Variants in AK9 observed in about 807,000 individuals in gnomAD.
AK9 encodes adenylate kinase domain containing 1.
In AK9, 191 loss-of-function variants were observed where a neutral mutation model predicts 239.6. The ratio of observed to expected loss-of-function variants is 0.80; its 90% CI spans 0.71 to 0.90. The LOEUF is 0.90. Among genes scored for constraint, AK9 ranks in the 40% least tolerant of loss-of-function variants. The probability of loss-of-function intolerance (pLI) is 0.00; values close to 1 mark genes in which losing one functional copy is unlikely to be tolerated. For synonymous variants in AK9, 689 were observed against 721.0 expected (o/e 0.96, Z 0.71); for missense variants, 1,995 against 2,214.7 (o/e 0.90, Z 1.99).
At chr6:109,673,208 T>A (rs1294265396) in intron 3 of AK9, among the ~76,000 whole-genome samples, 1 of 151,810 alleles carries the variant, frequency 6.6e-6, no homozygotes, top group East Asian at 1.9e-4. Flanking sequence ...TTTAGAGTTG[T>A]GTGTGTGTGT....
At chr6:109,674,411 G>T in intron 2 of AK9, 150 bp from the exon 3 acceptor site, 1 of 517,800 alleles carries the variant, frequency 1.9e-6, no homozygotes, top group East Asian at 3.3e-5. Context: ...CCCTAGATAC[G>T]TATAGTTTAG....
rs143881444 is a variant in AK9 at position 109,540,270 on chromosome 6, C to T, written c.3350+1777G>A. Among the ~76,000 whole-genome samples, 174 of 152,306 alleles carry T rather than the reference C, an allele frequency of 1.1e-3. 1 individual carries two copies. The East Asian group carries it at 0.029, about 25-fold the overall frequency. The stretch of plus-strand genomic sequence containing the variant: ...CTCCACCCAGTTAGAGCTTCCTGGC[C>T]GCTTTGTTTACCTACTGCAGCCTCA... On this transcript the variant is annotated intron_variant, in intron 27 of 40. Coordinates refer to ENST00000424296, the MANE Select transcript of AK9 (RefSeq NM_001145128.3).
intron 17 of AK9, among the ~76,000 whole-genome samples, chr6:109,606,664 G>A (rs1409559589): frequency 6.6e-6 from 1 of 152,196 alleles, no homozygotes; most frequent in Non-Finnish European, 1.5e-5. Context: ...TATAGCCAGT[G>A]TAACAGCTTC....
At chr6:109,547,665 C>T (rs748752504) in intron 25 of AK9, among the ~76,000 whole-genome samples, 6 of 152,028 alleles carry the variant, frequency 3.9e-5, no homozygotes, top group Non-Finnish European at 8.8e-5. Context: ...ACCTCAAAAA[C>T]ACAGGCAATA....
intron 24 of AK9, 120 bp downstream of exon 24, chr6:109,563,477 A>T: frequency 7.2e-7 from 1 of 1,393,156 alleles, no homozygotes; most frequent in Non-Finnish European, 9.4e-7. Flanking sequence ...GCAGAGGGAG[A>T]ATGTGTGTGC....
intron 17 of AK9, among the ~76,000 whole-genome samples, chr6:109,609,930 G>T (rs964430872): frequency 1.2e-4 from 18 of 151,942 alleles, no homozygotes; most frequent in African/African-American, 4.4e-4. Context: ...GCACATGTGT[G>T]TCCTCTCATC....
intron 21 of AK9, among the ~76,000 whole-genome samples, chr6:109,572,378 G>A (rs533086301): frequency 3.9e-4 from 60 of 152,146 alleles, no homozygotes; most frequent in Non-Finnish European, 7.5e-4. Context: ...GTAGGTGAAA[G>A]TCTCTGTGAA....
At chr6:109,623,193 CAT>C (rs979991042) in intron 12 of AK9, among the ~76,000 whole-genome samples, 7 of 151,990 alleles carry the variant, frequency 4.6e-5, no homozygotes, top group Non-Finnish European at 1.0e-4. Flanking sequence ...TTATCTGACA[CAT>C]ATTATGATGT....
chr6:109,659,822 T>C (rs142783685), intron 6 of AK9, among the ~76,000 whole-genome samples: 2 of 152,304 alleles, frequency 1.3e-5, no homozygotes, highest in African/African-American at 4.8e-5. Context: ...AATATATTGT[T>C]TATTTGTAAT....
At chr6:109,642,466 A>C (rs1797573898) in intron 9 of AK9, among the ~76,000 whole-genome samples, 1 of 152,152 alleles carries the variant, frequency 6.6e-6, no homozygotes, top group Non-Finnish European at 1.5e-5. Context: ...TTATTCCACT[A>C]ATGTCAAGCT....
intron 21 of AK9, 30 bp from the exon 22 acceptor site, chr6:109,564,875 T>C: frequency 1.4e-6 from 2 of 1,461,314 alleles, no homozygotes; most frequent in Non-Finnish European, 1.8e-6. Flanking sequence ...AGTTAGTGTT[T>C]AAATTTGAAA....
At chr6:109,601,703 T>G (rs576800546) in intron 17 of AK9, among the ~76,000 whole-genome samples, 1 of 152,320 alleles carries the variant, frequency 6.6e-6, no homozygotes, top group African/African-American at 2.4e-5. Context: ...ATTATTATTG[T>G]GTGGGAGTCT....
intron 15 of AK9, among the ~76,000 whole-genome samples, chr6:109,613,326 T>A (rs1793795015): frequency 1.3e-5 from 2 of 151,840 alleles, no homozygotes; most frequent in African/African-American, 4.8e-5. Flanking sequence ...ATAATTGATA[T>A]AACCATTTAG....
chr6:109,550,049 A>G (rs1394763025), intron 25 of AK9, 41 bp downstream of exon 25: 2 of 1,589,468 alleles, frequency 1.3e-6, no homozygotes, highest in East Asian at 4.5e-5. Flanking sequence ...TCCCAAAAAA[A>G]TCCTGTGGGA....
intron 19 of AK9, among the ~76,000 whole-genome samples, chr6:109,582,665 C>T (rs556710058): frequency 1.3e-5 from 2 of 152,168 alleles, no homozygotes; most frequent in African/African-American, 4.8e-5. Context: ...GAAATTACAA[C>T]AAAAAATTTA....
intron 17 of AK9, among the ~76,000 whole-genome samples, chr6:109,593,509 T>C (rs1407437225): frequency 6.6e-6 from 1 of 152,072 alleles, no homozygotes; most frequent in Non-Finnish European, 1.5e-5. Flanking sequence ...TCCTAACTCA[T>C]TTCACGAGGC....
At chr6:109,570,342 C>T (rs990817580) in intron 21 of AK9, among the ~76,000 whole-genome samples, 4 of 151,788 alleles carry the variant, frequency 2.6e-5, no homozygotes, top group South Asian at 2.1e-4. Flanking sequence ...GACGAGTTAA[C>T]GGGTGCAGCA....
chr6:109,509,762 C>T (rs1249283723), intron 32 of AK9, among the ~76,000 whole-genome samples: 1 of 152,150 alleles, frequency 6.6e-6, no homozygotes, highest in Non-Finnish European at 1.5e-5. Flanking sequence ...GGGCCTCCTG[C>T]TCCATGGAGC....
intron 31 of AK9, among the ~76,000 whole-genome samples, chr6:109,514,781 T>A (rs1779104163): frequency 6.6e-6 from 1 of 152,136 alleles, no homozygotes. Flanking sequence ...CACAAAGAGG[T>A]CCATTCCTAA....
Sources: gnomAD v4.1 joint callset for allele counts (sites outside exome capture counted in the v4.1 genomes callset) on GRCh38, gnomAD v4.1.1 for gene constraint, MANE v1.5 for transcripts, NCBI Gene and HGNC (gene_info 2026-07-23, HGNC 2026-07-21) for gene names.